The following EGFR variants were observed in gnomAD, a reference collection of about 807,000 sequenced individuals.
The protein encoded by EGFR is epidermal growth factor receptor.
Under a neutral mutation model 143.0 loss-of-function variants are expected in EGFR, and 58 were observed. The observed-to-expected ratio is 0.41, with a 90% confidence interval of 0.33 to 0.50. EGFR has a LOEUF of 0.50. Among genes scored for constraint, EGFR ranks in the 20% least tolerant of loss-of-function variants. The probability of loss-of-function intolerance (pLI) is 0.39; values close to 1 mark genes in which losing one functional copy is unlikely to be tolerated. For missense variants in EGFR, 1,307 were observed against 1,579.0 expected, an observed-to-expected ratio of 0.83 and a Z score of 2.92; for synonymous variants, 613 against 594.4, an observed-to-expected ratio of 1.03 and a Z score of -0.45.
chr7:55,157,956 C>T (rs1785512074), intron 11 of EGFR, among the ~76,000 whole-genome samples: 1 of 152,252 alleles, frequency 6.6e-6, no homozygotes, highest in African/African-American at 2.4e-5. Flanking sequence ...ACAGACTTCT[C>T]AGCGCTCGCC....
Position 55,206,211 on chromosome 7 carries a change from A to T in EGFR, c.*594A>T, listed in dbSNP as rs2128976001. The T allele has an allele frequency of 4.1e-6, 1 of 242,494 alleles. No individual in the cohort carries two copies. The highest frequency in any genetic ancestry group is 8.1e-6 in the Non-Finnish European group (1 of 123,778). The allele number at this position is 242,494 out of a possible 1,614,324, so 15.0% of individuals were successfully genotyped here. A position where few individuals can be genotyped will look rare whatever the true frequency, so the allele number is the denominator to read the frequency against. ...AAGTCATGGCAGGTACAGTAGGATA[A>T]GCCACTCTGTCCCTTCCTGGGCAAA... On this transcript the variant is annotated 3_prime_UTR_variant, in exon 28 of 28. Coordinates refer to ENST00000275493, the MANE Select transcript of EGFR (RefSeq NM_005228.5).
In EGFR at chr7:55,210,426, C is replaced by G. The variant is rs980862782; in HGVS notation, c.*4809C>G. 4 of 152,044 alleles carry G rather than the reference C, an allele frequency of 2.6e-5. No individual in the cohort carries two copies. The highest frequency in any genetic ancestry group is 7.2e-5 in the African/African-American group (3 of 41,412). 9.4% of individuals were successfully genotyped at this position (152,044 alleles called of 1,614,324 possible). On this transcript the variant is annotated 3_prime_UTR_variant, in exon 28 of 28. Coordinates refer to ENST00000275493, the MANE Select transcript of EGFR (RefSeq NM_005228.5). The stretch of plus-strand genomic sequence containing the variant: ...TGAGGAGCTTTTAAAAGCTTGAAGC[C>G]CAGCTACACCTCAGACCGATTAAAC...
chr7:55,076,161 G>A (rs773164685), intron 1 of EGFR, among the ~76,000 whole-genome samples: 6 of 152,164 alleles, frequency 3.9e-5, no homozygotes, highest in East Asian at 1.9e-4. Context: ...GTATTAATAC[G>A]AAATCCAAGC....
intron 1 of EGFR, among the ~76,000 whole-genome samples, chr7:55,124,610 C>CA (rs1304936077): frequency 6.6e-6 from 1 of 152,154 alleles, no homozygotes; most frequent in African/African-American, 2.4e-5. Context: ...CCCTCGGGGG[C>CA]AATTCAACTG....
At position 55,161,485 on chromosome 7, in the gene EGFR, C is replaced by T. The variant is rs1158971010; in HGVS notation, c.1499-14C>T. The T allele has an allele frequency of 1.2e-6, 2 of 1,612,608 alleles. No homozygotes were observed. Among genetic ancestry groups the T allele is most frequent in the Admixed American group, 1.7e-5 (1 of 59,958 alleles). On this transcript the variant is annotated splice_polypyrimidine_tract_variant and intron_variant, in intron 12 of 27. Coordinates refer to ENST00000275493, the MANE Select transcript of EGFR (RefSeq NM_005228.5). ...CTCTGTCACTGACTGCTGTGACCCACTCTGTCTCCGCAGAGGCCACAGGCC... is the reference window on the plus strand; with the variant it reads ...CTCTGTCACTGACTGCTGTGACCCATTCTGTCTCCGCAGAGGCCACAGGCC...
chr7:55,201,915 G>C (rs762382697), intron 26 of EGFR, 133 bp downstream of exon 26: 13 of 1,104,652 alleles, frequency 1.2e-5, no homozygotes, highest in Non-Finnish European at 1.6e-5. Flanking sequence ...GTTTTTCCCT[G>C]CACGGCTGTC....
chr7:55,166,000 A>C (rs564220170), intron 15 of EGFR, among the ~76,000 whole-genome samples: 1 of 152,272 alleles, frequency 6.6e-6, no homozygotes, highest in African/African-American at 2.4e-5. Context: ...CAACATGGTG[A>C]AACCCCACCT....
intron 15 of EGFR, 38 bp downstream of exon 15, chr7:55,165,475 CTT>C: frequency 6.4e-7 from 1 of 1,573,660 alleles, no homozygotes; most frequent in Non-Finnish European, 8.6e-7. Context: ...CATTTCCTCT[CTT>C]GCAAATTCAG....
chr7:55,044,910 A>T (rs1169161781), intron 1 of EGFR, among the ~76,000 whole-genome samples: 1 of 152,230 alleles, frequency 6.6e-6, no homozygotes, highest in Non-Finnish European at 1.5e-5. Flanking sequence ...TGTCTAAGAA[A>T]GAAGGCTGTG....
At chr7:55,029,403 C>T (rs183011889) in intron 1 of EGFR, among the ~76,000 whole-genome samples, 1 of 152,196 alleles carries the variant, frequency 6.6e-6, no homozygotes, top group African/African-American at 2.4e-5. Context: ...CCCCTTTCTT[C>T]TTCCTTCCTT....
chr7:55,157,114 G>A (rs2128939067), intron 10 of EGFR, among the ~76,000 whole-genome samples: 2 of 152,328 alleles, frequency 1.3e-5, no homozygotes, highest in Middle Eastern at 6.8e-3. Context: ...TGAGGGTAGA[G>A]GGAGGGGACA....
chr7:55,123,827 C>CTG (rs138412986), intron 1 of EGFR, among the ~76,000 whole-genome samples: 2 of 151,996 alleles, frequency 1.3e-5, no homozygotes, highest in East Asian at 1.9e-4. Flanking sequence ...AATTAAATCT[C>CTG]TGTGTGTGTG....
intron 1 of EGFR, among the ~76,000 whole-genome samples, chr7:55,072,927 G>C (rs1454120284): frequency 6.6e-6 from 1 of 152,098 alleles, no homozygotes; most frequent in Non-Finnish European, 1.5e-5. Flanking sequence ...TCACTTCACT[G>C]TCTGGAAAAT....
intron 3 of EGFR, among the ~76,000 whole-genome samples, chr7:55,144,860 C>CT (rs1794674056): frequency 6.6e-6 from 1 of 152,204 alleles, no homozygotes; most frequent in Admixed American, 6.5e-5. Context: ...CTCCGTGTCT[C>CT]TGTTTCGTCA....
rs1312027698 is a variant in EGFR, at chr7:55,157,648, T to C, written c.1208-15T>C. The C allele has an allele frequency of 6.2e-7, 1 of 1,613,564 alleles. No individual in the cohort carries two copies. The highest frequency in any genetic ancestry group is 1.7e-5 in the Admixed American group (1 of 60,028). On this transcript the variant is annotated splice_polypyrimidine_tract_variant and intron_variant, in intron 10 of 27. Coordinates refer to ENST00000275493, the MANE Select transcript of EGFR (RefSeq NM_005228.5). ...CTACGTGGTGTGTGTCTGAAGTCTT[T>C]CATCTGCCTTACAGGGTTTTTGCTG...
chr7:55,141,528 G>A (rs565112922), intron 1 of EGFR, among the ~76,000 whole-genome samples: 1 of 152,310 alleles, frequency 6.6e-6, no homozygotes, highest in Non-Finnish European at 1.5e-5. Context: ...GACGAGCATA[G>A]GGATGTGTGG....
chr7:55,096,105 C>T (rs1163902068), intron 1 of EGFR, among the ~76,000 whole-genome samples: 2 of 152,104 alleles, frequency 1.3e-5, no homozygotes, highest in African/African-American at 4.8e-5. Context: ...TGAAAGAAGC[C>T]TTGTTTTTCT....
intron 1 of EGFR, among the ~76,000 whole-genome samples, chr7:55,125,390 TG>T (rs1437685629): frequency 1.3e-5 from 2 of 149,768 alleles, no homozygotes. Flanking sequence ...CAAGCTATTA[TG>T]GCTAACTCCA....
At chr7:55,053,918 C>T (rs1012158285) in intron 1 of EGFR, among the ~76,000 whole-genome samples, 6 of 152,212 alleles carry the variant, frequency 3.9e-5, no homozygotes, top group Non-Finnish European at 7.3e-5. Flanking sequence ...CAGACAAACC[C>T]GATTGTCAGG....
Sources: allele counts gnomAD v4.1 joint callset (sites outside exome capture counted in the v4.1 genomes callset), GRCh38; gene constraint gnomAD v4.1.1; transcripts MANE v1.5; gene names NCBI Gene and HGNC (gene_info 2026-07-23, HGNC 2026-07-21).